Variants in AGBL1 observed in about 807,000 individuals in gnomAD.
AGBL1 encodes cytosolic carboxypeptidase 4.
In AGBL1, 130 loss-of-function variants were observed where a neutral mutation model predicts 118.9. The observed-to-expected ratio is 1.09, with a 90% CI of 0.95 to 1.26. The LOEUF (loss-of-function observed/expected upper bound fraction) is 1.26. Ranked by LOEUF, AGBL1 falls within the 50% of genes most tolerant of loss-of-function variation. The pLI is 0.00. For synonymous variants in AGBL1, 555 were observed against 478.9 expected (o/e 1.16, Z -2.08); for missense variants, 1,584 against 1,298.1 (o/e 1.22, Z -3.38).
intron 21 of AGBL1, among the ~76,000 whole-genome samples, chr15:86,616,272 G>A (rs2084720331): frequency 6.6e-6 from 1 of 150,946 alleles, no homozygotes; most frequent in East Asian, 1.9e-4. Flanking sequence ...GGGAGGCAGA[G>A]GTAGCAATGA....
At chr15:86,155,008 T>TA (rs1011983515) in intron 4 of AGBL1, among the ~76,000 whole-genome samples, 3 of 152,156 alleles carry the variant, frequency 2.0e-5, no homozygotes, top group African/African-American at 4.8e-5. Context: ...CCTTACCATT[T>TA]AAAAAAACCC....
At chr15:86,696,193 C>CTAT (rs1333256704) in intron 22 of AGBL1, among the ~76,000 whole-genome samples, 1 of 151,914 alleles carries the variant, frequency 6.6e-6, no homozygotes, top group Non-Finnish European at 1.5e-5. Flanking sequence ...AACTTCCCCA[C>CTAT]TATTATTGTG....
chr15:86,398,386 G>A (rs2081398288), intron 18 of AGBL1, among the ~76,000 whole-genome samples: 1 of 152,016 alleles, frequency 6.6e-6, no homozygotes, highest in South Asian at 2.1e-4. Flanking sequence ...CCTTGCCATG[G>A]TAATAGATGA....
chr15:86,862,608 C>T (rs2079573888), intron 22 of AGBL1, among the ~76,000 whole-genome samples: 1 of 152,114 alleles, frequency 6.6e-6, no homozygotes, highest in Non-Finnish European at 1.5e-5. Flanking sequence ...GTAGTCCCAG[C>T]TACTCGGAGG....
chr15:86,128,848 C>A (rs562996305), intron 1 of AGBL1, among the ~76,000 whole-genome samples: 2 of 152,288 alleles, frequency 1.3e-5, no homozygotes, highest in South Asian at 2.1e-4. Context: ...TGAGCAGATA[C>A]TTCCTAGGGT....
At chr15:86,436,413 G>T (rs900821174) in intron 18 of AGBL1, among the ~76,000 whole-genome samples, 1 of 152,076 alleles carries the variant, frequency 6.6e-6, no homozygotes, top group East Asian at 1.9e-4. Flanking sequence ...CATAAAGATG[G>T]GATAAGTGTG....
intron 24 of AGBL1, among the ~76,000 whole-genome samples, chr15:87,025,143 G>A (rs1038770787): frequency 6.6e-6 from 1 of 152,000 alleles, no homozygotes; most frequent in Admixed American, 6.6e-5. Context: ...AATTAGATAA[G>A]AGAAAGAAAT....
At chr15:86,920,887 T>C (rs1380882483), downstream of AGBL1, among the ~76,000 whole-genome samples, 1 of 152,192 alleles carries the variant, frequency 6.6e-6, no homozygotes, top group East Asian at 1.9e-4. Flanking sequence ...GATGTGAACA[T>C]GGTGTTTCCA....
At chr15:86,669,484 G>A (rs1020761774) in intron 21 of AGBL1, among the ~76,000 whole-genome samples, 3 of 152,240 alleles carry the variant, frequency 2.0e-5, no homozygotes, top group Admixed American at 6.5e-5. Flanking sequence ...CTTGACAGAG[G>A]TAAGGGAGAG....
At chr15:86,414,342 CAA>C (rs1477194959) in intron 18 of AGBL1, among the ~76,000 whole-genome samples, 3 of 152,102 alleles carry the variant, frequency 2.0e-5, no homozygotes, top group Non-Finnish European at 4.4e-5. Flanking sequence ...AGAGAGAATG[CAA>C]AGAGTTCTGT....
In AGBL1 at chr15:86,319,743, G is replaced by GTTTTTTT. The variant is rs139831044; in HGVS notation, c.2374+24365_2374+24371dup. Among the ~76,000 whole-genome samples the GTTTTTTT allele has an allele frequency of 1.3e-4, 6 of 47,254 alleles. 3 individuals carry two copies. Among genetic ancestry groups the GTTTTTTT allele is most frequent in the African/African-American group, 1.8e-4 (2 of 10,894 alleles). The allele number at this position is 47,254 out of a possible 152,430, so 31.0% of individuals were successfully genotyped here. A position where few individuals can be genotyped will look rare whatever the true frequency, so the allele number is the denominator to read the frequency against. On this transcript the variant is annotated intron_variant, in intron 17 of 22. Transcript: ENST00000614907. ...TGTACTTTGTTTTGCCTCTTTGGTA[G>GTTTTTTT]TTTTTTTTTTTTTTTTTTTTTTTTT...
At chr15:86,804,018 G>A (rs150702854) in intron 22 of AGBL1, among the ~76,000 whole-genome samples, 21 of 152,144 alleles carry the variant, frequency 1.4e-4, no homozygotes, top group African/African-American at 3.1e-4. Context: ...TTATCCAATG[G>A]TTTGGTGAGT....
chr15:86,595,753 G>C (rs1412062904), intron 21 of AGBL1, among the ~76,000 whole-genome samples: 2 of 152,028 alleles, frequency 1.3e-5, no homozygotes, highest in Non-Finnish European at 2.9e-5. Context: ...TGATAGATAT[G>C]AGTTTTTTAC....
At chr15:86,789,730 C>G (rs1274179468) in intron 22 of AGBL1, among the ~76,000 whole-genome samples, 3 of 152,068 alleles carry the variant, frequency 2.0e-5, no homozygotes, top group Admixed American at 6.5e-5. Context: ...CTTAGAGACC[C>G]CCTATGTTTT....
At chr15:86,727,117 C>G (rs995973617) in intron 22 of AGBL1, among the ~76,000 whole-genome samples, 3 of 152,038 alleles carry the variant, frequency 2.0e-5, no homozygotes, top group African/African-American at 7.2e-5. Flanking sequence ...GATGGGGACT[C>G]TAGTGATAAT....
intron 18 of AGBL1, among the ~76,000 whole-genome samples, chr15:86,514,257 A>T (rs193230566): frequency 1.2e-4 from 19 of 152,112 alleles, no homozygotes; most frequent in Non-Finnish European, 2.6e-4. Flanking sequence ...TTAATTCCTT[A>T]TTTGTAATTC....
intron 1 of AGBL1, among the ~76,000 whole-genome samples, chr15:86,128,802 T>G (rs2076782069): frequency 6.6e-6 from 1 of 152,168 alleles, no homozygotes; most frequent in Admixed American, 6.5e-5. Context: ...ATATGACAAT[T>G]ATAGCTATTA....
intron 22 of AGBL1, among the ~76,000 whole-genome samples, chr15:86,777,500 A>G (rs2141300335): frequency 6.6e-6 from 1 of 151,996 alleles, no homozygotes; most frequent in East Asian, 1.9e-4. Context: ...TAGAATCTGC[A>G]TGTCAAAGTT....
intron 22 of AGBL1, among the ~76,000 whole-genome samples, chr15:86,738,090 A>C (rs894421653): frequency 7.2e-5 from 11 of 152,016 alleles, no homozygotes; most frequent in African/African-American, 2.2e-4. Context: ...TTCTGTGTCT[A>C]TTGAGATAAA....
Sources: allele counts gnomAD v4.1 joint callset (sites outside exome capture counted in the v4.1 genomes callset), GRCh38; gene constraint gnomAD v4.1.1; transcripts MANE v1.5; gene names NCBI Gene and HGNC (gene_info 2026-07-23, HGNC 2026-07-21).